The following ANAPC1 variants were observed in gnomAD, a reference collection of about 807,000 sequenced individuals.
ANAPC1 encodes anaphase promoting complex subunit 1.
A neutral mutation model predicts 208.0 loss-of-function variants in ANAPC1; 36 were observed. That is an observed-to-expected ratio of 0.17 (90% CI 0.13 to 0.23). The LOEUF (loss-of-function observed/expected upper bound fraction) is 0.23, where lower values mean the gene tolerates loss of function less well. Ranked by LOEUF, ANAPC1 falls within the 10% of genes least tolerant of loss-of-function variation. The pLI, the probability that ANAPC1 is intolerant of heterozygous loss-of-function variation, is 1.00. For synonymous variants in ANAPC1, 378 were observed against 695.2 expected, an observed-to-expected ratio of 0.54 and a Z score of 7.18; for missense variants, 942 against 2,011.6, an observed-to-expected ratio of 0.47 and a Z score of 10.17.
intron 6 of ANAPC1, among the ~76,000 whole-genome samples, 196 bp downstream of exon 6, chr2:111,872,431 TCAA>T (rs1682803579): frequency 6.6e-6 from 1 of 152,164 alleles, no homozygotes; most frequent in South Asian, 2.1e-4. Flanking sequence ...ATGCTGGAGC[TCAA>T]CAAGTTGCAG....
chr2:111,789,839 T>C (rs1262317308), intron 38 of ANAPC1, among the ~76,000 whole-genome samples: 4 of 152,170 alleles, frequency 2.6e-5, no homozygotes, highest in African/African-American at 4.8e-5. Context: ...AGTCATACAG[T>C]TTGGAACAAT....
chr2:111,825,317 A>G, intron 22 of ANAPC1, 150 bp from the exon 23 acceptor site: 1 of 1,180,074 alleles, frequency 8.5e-7, no homozygotes, highest in Middle Eastern at 2.9e-4. Context: ...GCTGAAAAGT[A>G]CAGTCAAGGC....
chr2:111,770,201 TTATATATATA>T (rs3055943), intron 47 of ANAPC1, among the ~76,000 whole-genome samples: 844 of 81,552 alleles, frequency 0.01, 14 homozygotes, highest in African/African-American at 0.041. Context: ...TTGTTTAATT[TTATATATATA>T]TATATATATA....
chr2:111,787,641 T>C (rs1677636611), intron 39 of ANAPC1, among the ~76,000 whole-genome samples: 1 of 152,130 alleles, frequency 6.6e-6, no homozygotes. Context: ...TCAAACTATA[T>C]CTAGGGAAAC....
intron 34 of ANAPC1, among the ~76,000 whole-genome samples, chr2:111,795,194 C>T (rs1285255885): frequency 6.6e-6 from 1 of 152,136 alleles, no homozygotes; most frequent in African/African-American, 2.4e-5. Context: ...CCAGCCTGAC[C>T]AACATGGTGA....
chr2:111,786,511 C>T (rs1190326224), intron 39 of ANAPC1, among the ~76,000 whole-genome samples: 9 of 143,162 alleles, frequency 6.3e-5, no homozygotes, highest in East Asian at 4.3e-4. Context: ...TCCTGGCTAA[C>T]ACGGTGAAAC....
chr2:111,842,369 C>A (rs900023825), intron 17 of ANAPC1, among the ~76,000 whole-genome samples: 1 of 152,152 alleles, frequency 6.6e-6, no homozygotes, highest in East Asian at 1.9e-4. Flanking sequence ...GCTGGCCAGG[C>A]GCAGTGGCTC....
chr2:111,878,949 C>G lies in ANAPC1; in HGVS notation c.236G>C (p.Gly79Ala). Residue 79 changes from glycine to alanine, a missense_variant, in exon 3 of 48, where the codon GGA (glycine) becomes GCA (alanine). Coordinates refer to ENST00000341068, the MANE Select transcript of ANAPC1 (RefSeq NM_022662.4). ...KQKESWQLRKGVSEIGEDVDY... is the reference protein window; with the variant it reads ...KQKESWQLRKAVSEIGEDVDY... Reference sequence around the variant, plus strand: ...CACATCTTCTCCAATTTCACTTACTCCTTTCCTTAACTGCCAGCTTTCCTT... The same window carrying G: ...CACATCTTCTCCAATTTCACTTACTGCTTTCCTTAACTGCCAGCTTTCCTT... The G allele has an allele frequency of 1.3e-6, 2 of 1,586,842 alleles. No homozygotes were observed. The highest frequency in any genetic ancestry group is 1.7e-6 in the Non-Finnish European group (2 of 1,172,032).
chr2:111,787,522 C>T (rs1359221070), intron 39 of ANAPC1, among the ~76,000 whole-genome samples: 1 of 152,122 alleles, frequency 6.6e-6, no homozygotes, highest in Non-Finnish European at 1.5e-5. Flanking sequence ...GGGCTCTTGA[C>T]CTGTCTCTGG....
chr2:111,806,253 C>T (rs1345729395), intron 29 of ANAPC1, among the ~76,000 whole-genome samples: 160 of 75,704 alleles, frequency 2.1e-3, no homozygotes, highest in African/African-American at 8.3e-3. Flanking sequence ...ACATCTGGGC[C>T]GGGTGTGCTG....
intron 21 of ANAPC1, among the ~76,000 whole-genome samples, chr2:111,830,135 C>T (rs1680056247): frequency 6.6e-6 from 1 of 151,970 alleles, no homozygotes; most frequent in Admixed American, 6.6e-5. Flanking sequence ...AGGAGTAACG[C>T]TAATCAATTT....
At chr2:111,863,367 C>T (rs1053164575) in intron 9 of ANAPC1, among the ~76,000 whole-genome samples, 1 of 149,756 alleles carries the variant, frequency 6.7e-6, no homozygotes, top group African/African-American at 2.5e-5. Flanking sequence ...AAAAAAAAAA[C>T]TCAGCCAGGC....
At chr2:111,826,972 C>T (rs1171688864) in intron 21 of ANAPC1, among the ~76,000 whole-genome samples, 4 of 152,072 alleles carry the variant, frequency 2.6e-5, no homozygotes, top group Non-Finnish European at 4.4e-5. Context: ...CACATACATG[C>T]GGGTCTTTAT....
intron 30 of ANAPC1, 116 bp from the exon 31 acceptor site, chr2:111,803,955 GTTTTT>G (rs1312854650): frequency 7.0e-6 from 4 of 567,872 alleles, no homozygotes; most frequent in South Asian, 2.1e-5. Context: ...TTTGGGTTTT[GTTTTT>G]TTTATTTCCA....
chr2:111,782,585 G>T (rs1051175246), intron 42 of ANAPC1, 78 bp from the exon 43 acceptor site: 9 of 1,553,260 alleles, frequency 5.8e-6, no homozygotes, highest in Non-Finnish European at 7.9e-6. Context: ...CCAATACCAT[G>T]TTCACAGGAG....
chr2:111,832,690 G>A (rs1680215983), intron 20 of ANAPC1, among the ~76,000 whole-genome samples: 1 of 152,102 alleles, frequency 6.6e-6, no homozygotes, highest in South Asian at 2.1e-4. Context: ...AGCACTTTGG[G>A]AGGCCGAGGC....
chr2:111,810,304 G>GAA (rs113936416), intron 28 of ANAPC1, among the ~76,000 whole-genome samples: 4 of 144,410 alleles, frequency 2.8e-5, no homozygotes, highest in African/African-American at 5.0e-5. Context: ...AGTGAAGGTG[G>GAA]GGGGGGGTGA....
intron 34 of ANAPC1, among the ~76,000 whole-genome samples, chr2:111,798,774 C>A (rs1436574554): frequency 1.3e-4 from 20 of 152,246 alleles, no homozygotes; most frequent in African/African-American, 4.8e-4. Context: ...GTGGCTCACG[C>A]CTGTAATCCC....
At chr2:111,874,994 C>A (rs1682947567) in intron 3 of ANAPC1, among the ~76,000 whole-genome samples, 3 of 152,198 alleles carry the variant, frequency 2.0e-5, no homozygotes, top group Admixed American at 1.3e-4. Context: ...ACACGTGTAA[C>A]TTTTTGAGAA....
Sources: gnomAD v4.1 joint callset for allele counts (sites outside exome capture counted in the v4.1 genomes callset) on GRCh38, gnomAD v4.1.1 for gene constraint, MANE v1.5 for transcripts, NCBI Gene and HGNC (gene_info 2026-07-23, HGNC 2026-07-21) for gene names.